ZNF100: variants seen among roughly 807,000 people sequenced by gnomAD.
ZNF100 encodes the protein zinc finger protein 100.
In ZNF100, 12 loss-of-function variants were observed where a neutral mutation model predicts 15.8. The observed-to-expected ratio is 0.76, with a 90% confidence interval of 0.49 to 1.23. The LOEUF (loss-of-function observed/expected upper bound fraction) is 1.23. ZNF100 is among the 50% of genes most tolerant of loss of function. The pLI, the probability that ZNF100 is intolerant of heterozygous loss-of-function variation, is 0.00. For synonymous variants in ZNF100, 226 were observed against 214.8 expected, an observed-to-expected ratio of 1.05 and a Z score of -0.45; for missense variants, 670 against 635.6, an observed-to-expected ratio of 1.05 and a Z score of -0.58.
In ZNF100 at chr19:21,725,891, T is replaced by A. The variant is rs940111848; in HGVS notation, c.*792A>T. 3.3e-5 allele frequency: 5 copies of A among 152,162 alleles called. No individual in the cohort carries two copies. The highest frequency in any genetic ancestry group is 9.6e-5 in the African/African-American group (4 of 41,464). 9.4% of individuals were successfully genotyped at this position (152,162 alleles called of 1,614,324 possible). ...TTACAGACTTAATGATTAAAATTTT[T>A]AAAAAATTTTTCCTGTATCTGCAAA... On this transcript the variant is annotated 3_prime_UTR_variant, in exon 5 of 5. Coordinates refer to ENST00000358296, the MANE Select transcript of ZNF100 (RefSeq NM_173531.4).
chr19:21,763,299 G>GA (rs71178765), intron 2 of ZNF100, among the ~76,000 whole-genome samples: 132,457 of 151,704 alleles, frequency 0.87, 58,118 homozygotes, highest in Middle Eastern at 0.95. Context: ...TTTTTCTCAT[G>GA]AAAAAAAATT....
At chr19:21,752,224 A>T (rs570963778) in intron 2 of ZNF100, 1 of 153,498 alleles carries the variant, frequency 6.5e-6, no homozygotes, top group Non-Finnish European at 1.5e-5. Context: ...GAACTATGTT[A>T]GGTTTTTTAA....
chr19:21,741,106 T>G (rs1162938395), intron 4 of ZNF100, among the ~76,000 whole-genome samples: 1 of 152,116 alleles, frequency 6.6e-6, no homozygotes, highest in Non-Finnish European at 1.5e-5. Flanking sequence ...TTGTCAATTT[T>G]AAGACAAACT....
At chr19:21,740,441 CAG>C (rs1329187324) in intron 4 of ZNF100, among the ~76,000 whole-genome samples, 1 of 151,454 alleles carries the variant, frequency 6.6e-6, no homozygotes, top group African/African-American at 2.4e-5. Context: ...AACAGAAAAA[CAG>C]AAAAATTTAA....
intron 4 of ZNF100, among the ~76,000 whole-genome samples, chr19:21,738,248 C>CAAAAAAAAAAA: frequency 2.3e-5 from 1 of 42,962 alleles, no homozygotes; most frequent in East Asian, 1.0e-3. Flanking sequence ...GACACTATGT[C>CAAAAAAAAAAA]AAAAAAAAAA....
At position 21,744,062 on chromosome 19, in the gene ZNF100, C is replaced by T. The variant is rs1599390659; in HGVS notation, c.277G>A (p.Glu93Lys). 1.2e-6 allele frequency: 2 copies of T among 1,612,770 alleles called. No individual in the cohort carries two copies. The highest frequency in any genetic ancestry group is 3.3e-5 in the Admixed American group (2 of 59,788). ...DLITCLEQGKEPWNIKRHEMV... is the reference protein window; with the variant it reads ...DLITCLEQGKKPWNIKRHEMV... ...TCATGTCTCTTTATATTCCAGGGCT[C>T]TTTTCCTTGCTCCAGACAGGTGATC... is the stretch of plus-strand genomic sequence containing the variant. Residue 93 changes from glutamate (E) to lysine (K), a missense_variant, in exon 4 of 5, where the codon GAG becomes AAG. Glu to Lys is a moderately conservative substitution (Grantham distance 56, BLOSUM62 1). Transcript: ENST00000358296.
intron 2 of ZNF100, among the ~76,000 whole-genome samples, chr19:21,759,874 T>TA (rs2036452112): frequency 6.6e-6 from 1 of 152,180 alleles, no homozygotes; most frequent in Non-Finnish European, 1.5e-5. Flanking sequence ...CATTCTCTTA[T>TA]ATCTCCACTT....
intron 2 of ZNF100, among the ~76,000 whole-genome samples, chr19:21,758,485 C>T (rs1408788796): frequency 6.6e-6 from 1 of 152,070 alleles, no homozygotes; most frequent in East Asian, 1.9e-4. Context: ...AGACAGTGGC[C>T]CAGGTGGCGC....
rs2035777165 is a variant in ZNF100, at chr19:21,726,033, CAA to C, written c.*648_*649del. The C allele has an allele frequency of 6.6e-6, 1 of 152,102 alleles. No individual in the cohort carries two copies. The highest frequency in any genetic ancestry group is 2.1e-4 in the South Asian group (1 of 4,824). 9.4% of individuals were successfully genotyped at this position (152,102 alleles called of 1,614,324 possible). On this transcript the variant is annotated 3_prime_UTR_variant, in exon 5 of 5. Transcript: ENST00000358296. Reference sequence around the variant, plus strand: ...TCAATATAAATTCCCTGATATTGAACAAAGTTTGAGCAACTGCTTCAGAGGTT... The same window carrying C: ...TCAATATAAATTCCCTGATATTGAACAGTTTGAGCAACTGCTTCAGAGGTT...
At position 21,723,656 on chromosome 19, in the gene ZNF100, A is replaced by C. The variant is rs565656621; in HGVS notation, c.*3027T>G. ...AATCAATTTTATTTCTTCACCACTG[A>C]TGTTTTCCATCTCTGAACTGAAGTT... On this transcript the variant is annotated 3_prime_UTR_variant, in exon 5 of 5. Transcript: ENST00000358296. 3 of 152,302 alleles carry C rather than the reference A, an allele frequency of 2.0e-5. No individual in the cohort carries two copies. The highest frequency in any genetic ancestry group is 7.2e-5 in the African/African-American group (3 of 41,574). 9.4% of individuals were successfully genotyped at this position (152,302 alleles called of 1,614,324 possible). A position where few individuals can be genotyped will look rare whatever the true frequency, so the allele number is the denominator to read the frequency against.
intron 2 of ZNF100, among the ~76,000 whole-genome samples, chr19:21,762,275 A>C (rs1426594978): frequency 1.3e-5 from 2 of 152,220 alleles, no homozygotes; most frequent in East Asian, 3.8e-4. Context: ...ATTATGTAAA[A>C]ATCTGGATTA....
chr19:21,727,306 T>C lies in ZNF100; in HGVS notation c.1006A>G (p.Arg336Gly). ...GGTTTCTCTCCAGTATGAATTATCC[T>C]GTGTGTAGTAAGGTGTGAGGACCGG... ...FNRSSHLTTH[R>G]IIHTGEKPYK... The change falls in exon 5 of 5, where the codon AGG (arginine) becomes GGG (glycine). Residue 336 changes from arginine to glycine, a missense_variant. Coordinates refer to ENST00000358296, the MANE Select transcript of ZNF100 (RefSeq NM_173531.4). The C allele has an allele frequency of 1.2e-6, 2 of 1,613,152 alleles. No individual in the cohort carries two copies. The highest frequency in any genetic ancestry group is 2.2e-5 in the South Asian group (2 of 91,074).
chr19:21,743,044 T>C (rs1457826813), intron 4 of ZNF100: 2 of 152,108 alleles, frequency 1.3e-5, no homozygotes, highest in African/African-American at 4.8e-5. Context: ...CTGGCCAACA[T>C]GGTGAAACCC....
intron 2 of ZNF100, among the ~76,000 whole-genome samples, chr19:21,749,049 C>T (rs924297123): frequency 5.9e-5 from 9 of 152,190 alleles, no homozygotes; most frequent in Non-Finnish European, 1.2e-4. Context: ...ATCTATTCAC[C>T]GTACCAACCA....
chr19:21,762,863 C>T (rs2036503656), intron 2 of ZNF100, among the ~76,000 whole-genome samples: 1 of 152,044 alleles, frequency 6.6e-6, no homozygotes, highest in Admixed American at 6.5e-5. Flanking sequence ...GAGATCAGCA[C>T]AAAATACAGG....
intron 2 of ZNF100, chr19:21,750,466 C>T (rs2036283117): frequency 6.6e-6 from 1 of 151,550 alleles, no homozygotes; most frequent in African/African-American, 2.4e-5. Flanking sequence ...ACTGGAGAAC[C>T]GAATCCAGGA....
intron 1 of ZNF100, 114 bp downstream of exon 1, chr19:21,767,313 G>A (rs1307382637): frequency 6.4e-7 from 1 of 1,573,194 alleles, no homozygotes; most frequent in East Asian, 2.2e-5. Flanking sequence ...AGCTGGGCAA[G>A]GCGCAGATTG....
rs2035713887 is a variant in ZNF100 at position 21,723,316 on chromosome 19, C to T, written c.*3367G>A. Reference sequence around the variant, plus strand: ...CAGAGGTTGCAGTGAGCCCACATTGCACCACTGCACTCCAGCTTGGGCAAC... The same window carrying T: ...CAGAGGTTGCAGTGAGCCCACATTGTACCACTGCACTCCAGCTTGGGCAAC... On this transcript the variant is annotated 3_prime_UTR_variant, in exon 5 of 5. Coordinates refer to ENST00000358296, the MANE Select transcript of ZNF100 (RefSeq NM_173531.4). 1 of 142,810 alleles carries T rather than the reference C, an allele frequency of 7.0e-6. No homozygotes were observed. Among genetic ancestry groups the T allele is most frequent in the African/African-American group, 2.6e-5 (1 of 38,034 alleles). 8.8% of individuals were successfully genotyped at this position (142,810 alleles called of 1,614,324 possible).
Position 21,727,609 on chromosome 19 carries a change from A to G in ZNF100, c.703T>C (p.Cys235Arg). ...RFHITENSYQCKDCGKAFNWF... is the reference protein window; with the variant it reads ...RFHITENSYQRKDCGKAFNWF... ...TTGAAGGCTTTGCCACAATCTTTAC[A>G]TTGGTAGGAATTCTCTGTAATATGA... The change falls in exon 5 of 5, where the codon TGT becomes CGT. Residue 235 changes from cysteine (C) to arginine (R), a missense_variant. By Grantham distance (180) the Cys-to-Arg change is radical (BLOSUM62 -3). Transcript: ENST00000358296. The G allele has an allele frequency of 1.2e-6, 2 of 1,612,528 alleles. No homozygotes were observed. The highest frequency in any genetic ancestry group is 1.1e-5 in the South Asian group (1 of 90,836).
Sources: gnomAD v4.1 joint callset for allele counts (sites outside exome capture counted in the v4.1 genomes callset) on GRCh38, gnomAD v4.1.1 for gene constraint, MANE v1.5 for transcripts, NCBI Gene and HGNC (gene_info 2026-07-23, HGNC 2026-07-21) for gene names.